Variants in DHX29 observed in about 807,000 individuals in gnomAD.
DHX29 encodes the protein DExH-box helicase 29, also known as ATP-dependent RNA helicase DHX29.
Under a neutral mutation model 167.9 loss-of-function variants are expected in DHX29, and 79 were observed. The observed-to-expected ratio is 0.47, with a 90% CI of 0.39 to 0.57. The LOEUF (loss-of-function observed/expected upper bound fraction) is 0.57. Ranked by LOEUF, DHX29 falls within the 20% of genes least tolerant of loss-of-function variation. The probability of loss-of-function intolerance (pLI) is 0.00; values close to 1 mark genes in which losing one functional copy is unlikely to be tolerated. For missense variants in DHX29, 1,347 were observed against 1,593.4 expected (o/e 0.85, Z 2.63); for synonymous variants, 530 against 546.0 (o/e 0.97, Z 0.41).
intron 12 of DHX29, among the ~76,000 whole-genome samples, chr5:55,278,011 A>G (rs1359327729): frequency 2.0e-5 from 3 of 152,052 alleles, no homozygotes; most frequent in African/African-American, 7.2e-5. Context: ...TACTGTCACC[A>G]TTACAAGACA....
At chr5:55,282,972 T>C (rs1046708352) in intron 11 of DHX29, 2 of 352,344 alleles carry the variant, frequency 5.7e-6, no homozygotes, top group African/African-American at 4.2e-5. Context: ...TTAATATATT[T>C]TTTCTTTTAT....
intron 23 of DHX29, among the ~76,000 whole-genome samples, chr5:55,265,163 T>C (rs1248923109): frequency 6.8e-6 from 1 of 146,230 alleles, no homozygotes; most frequent in Admixed American, 6.9e-5. Context: ...TTATAAGAAA[T>C]ACAGGACATA....
intron 1 of DHX29, among the ~76,000 whole-genome samples, chr5:55,302,153 T>C (rs548446940): frequency 1.1e-4 from 17 of 152,352 alleles, no homozygotes; most frequent in African/African-American, 3.6e-4. Context: ...TAGTAATCTC[T>C]CCTATAAATT....
At chr5:55,276,955 C>T (rs549420060) in intron 13 of DHX29, 151 bp downstream of exon 13, 54 of 536,210 alleles carry the variant, frequency 1.0e-4, no homozygotes, top group African/African-American at 9.3e-4. Flanking sequence ...CAGTAACAGT[C>T]ATCTGATTCT....
chr5:55,267,948 TTATTA>T (rs1333104383), intron 21 of DHX29, 126 bp from the exon 22 acceptor site: 13 of 65,998 alleles, frequency 2.0e-4, no homozygotes, highest in South Asian at 6.1e-4. Flanking sequence ...TTTCAATATT[TTATTA>T]TGTTTATTAG....
At chr5:55,296,432 G>A (rs1748321135) in intron 3 of DHX29, 83 bp from the exon 4 acceptor site, 2 of 1,405,760 alleles carry the variant, frequency 1.4e-6, no homozygotes, top group Non-Finnish European at 1.9e-6. Context: ...TTTTAAACCA[G>A]AAACTTTGAC....
At position 55,262,717 on chromosome 5, in the gene DHX29, C is replaced by A; in HGVS notation, c.3741G>T (p.Val1247=). 6.2e-7 allele frequency: 1 copy of A among 1,614,024 alleles called. No homozygotes were observed. The highest frequency in any genetic ancestry group is 8.5e-7 in the Non-Finnish European group (1 of 1,179,980). The change falls in exon 24 of 27, where the codon GTG becomes GTT. Residue 1247 remains valine, a synonymous_variant. Transcript: ENST00000251636. The part of the protein sequence containing the change: ...VDVTEKLACI[V]ETAQGKAQVH... ...CTTGTGCTTTGCCTTGGGCCGTCTC[C>A]ACAATGCAAGCCAATTTTTCTGTAA...
chr5:55,294,567 C>A, intron 5 of DHX29, among the ~76,000 whole-genome samples: 1 of 152,146 alleles, frequency 6.6e-6, no homozygotes, highest in African/African-American at 2.4e-5. Flanking sequence ...CCCAGCTACT[C>A]GGGAGGCTGA....
chr5:55,265,276 T>C (rs1314092147), intron 23 of DHX29, among the ~76,000 whole-genome samples: 2 of 149,476 alleles, frequency 1.3e-5, no homozygotes, highest in East Asian at 3.9e-4. Context: ...CAGCATTACA[T>C]GAAAAGCCAG....
At chr5:55,284,339 T>A (rs192287438) in intron 10 of DHX29, among the ~76,000 whole-genome samples, 1 of 152,354 alleles carries the variant, frequency 6.6e-6, no homozygotes, top group Non-Finnish European at 1.5e-5. Flanking sequence ...TTGTATAATG[T>A]TACAGGTTAA....
At chr5:55,289,143 TAAA>T in intron 8 of DHX29, 124 bp downstream of exon 8, 1 of 1,057,736 alleles carries the variant, frequency 9.5e-7, no homozygotes. Flanking sequence ...AGACAGCTTA[TAAA>T]GTGTAACTTC....
At chr5:55,281,895 CTT>C (rs957163865) in intron 11 of DHX29, among the ~76,000 whole-genome samples, 5 of 151,236 alleles carry the variant, frequency 3.3e-5, no homozygotes, top group Non-Finnish European at 5.9e-5. Flanking sequence ...AAGCGATTCT[CTT>C]GTCTCAGCCT....
chr5:55,299,549 A>G (rs548683946), intron 1 of DHX29, among the ~76,000 whole-genome samples: 1 of 152,280 alleles, frequency 6.6e-6, no homozygotes, highest in African/African-American at 2.4e-5. Flanking sequence ...TGGTGTGAGC[A>G]GGACCATGCT....
In DHX29 at chr5:55,307,313, T is replaced by C. The variant is rs28364611; in HGVS notation, c.187+74A>G. The C allele has an allele frequency of 2.0e-4, 271 of 1,325,622 alleles. 1 individual carries two copies. In the East Asian group the frequency reaches 6.3e-3, roughly 31 times the overall value. The allele number at this position is 1,325,622 out of a possible 1,614,324, so 82.1% of individuals were successfully genotyped here. A position where few individuals can be genotyped will look rare whatever the true frequency, so the allele number is the denominator to read the frequency against. On this transcript the variant is annotated intron_variant, in intron 1 of 26. Transcript: ENST00000251636. ...TGTTGGGCCCGAAGCTCCTCCCGGG[T>C]TCTAAGGCCCTTTCCTCAGGACAAG...
Position 55,272,187 on chromosome 5 carries a change from C to T in DHX29, c.2776-12G>A, listed in dbSNP as rs375053352. Reference sequence around the variant, plus strand: ...GTTGCTAAAACAATCTGAAAATAAACAAAAAGCTTAAAACATTTAGACTAC... The same window carrying T: ...GTTGCTAAAACAATCTGAAAATAAATAAAAAGCTTAAAACATTTAGACTAC... On this transcript the variant is annotated splice_polypyrimidine_tract_variant and intron_variant, in intron 17 of 26. Coordinates refer to ENST00000251636, the MANE Select transcript of DHX29 (RefSeq NM_019030.4). 5.3e-6 allele frequency: 8 copies of T among 1,505,354 alleles called. No homozygotes were observed. The African/African-American group carries it at 7.1e-5, about 13-fold the overall frequency. The allele number at this position is 1,505,354 out of a possible 1,614,324, so 93.2% of individuals were successfully genotyped here. A position where few individuals can be genotyped will look rare whatever the true frequency, so the allele number is the denominator to read the frequency against.
At chr5:55,259,614 G>C (rs1746213719) in intron 26 of DHX29, among the ~76,000 whole-genome samples, 1 of 152,070 alleles carries the variant, frequency 6.6e-6, no homozygotes, top group African/African-American at 2.4e-5. Flanking sequence ...CCGCCACCAT[G>C]CCCAGCTAAT....
intron 11 of DHX29, among the ~76,000 whole-genome samples, chr5:55,282,267 T>C (rs1473425995): frequency 1.3e-5 from 2 of 152,212 alleles, no homozygotes; most frequent in Non-Finnish European, 2.9e-5. Flanking sequence ...TTGGTCTACT[T>C]TTCTATCAAG....
chr5:55,268,987 A>C (rs1746715655), intron 21 of DHX29, among the ~76,000 whole-genome samples: 1 of 152,132 alleles, frequency 6.6e-6, no homozygotes, highest in Non-Finnish European at 1.5e-5. Flanking sequence ...TCAGTAATGG[A>C]TGAACAGATT....
At chr5:55,261,596 T>C in intron 24 of DHX29, 97 bp from the exon 25 acceptor site, 1 of 814,720 alleles carries the variant, frequency 1.2e-6, no homozygotes, top group Non-Finnish European at 2.1e-6. Flanking sequence ...AATTTGTTAT[T>C]CTACATTTTA....
Sources: gnomAD v4.1 joint callset for allele counts (sites outside exome capture counted in the v4.1 genomes callset) on GRCh38, gnomAD v4.1.1 for gene constraint, MANE v1.5 for transcripts, NCBI Gene and HGNC (gene_info 2026-07-23, HGNC 2026-07-21) for gene names.